The following LYPLAL1 variants were observed in gnomAD, a reference collection of about 807,000 sequenced individuals.
The protein encoded by LYPLAL1 is lysophospholipase-like protein 1.
Under a neutral mutation model 19.7 loss-of-function variants are expected in LYPLAL1, and 23 were observed. The ratio of observed to expected loss-of-function variants is 1.17; its 90% CI spans 0.84 to 1.65. The LOEUF is 1.65. Among genes scored for constraint, LYPLAL1 ranks in the 40% most tolerant of loss-of-function variants. The probability of loss-of-function intolerance (pLI) is 0.00; values close to 1 mark genes in which losing one functional copy is unlikely to be tolerated. For synonymous variants in LYPLAL1, 119 were observed against 96.3 expected, an observed-to-expected ratio of 1.24 and a Z score of -1.38; for missense variants, 355 against 279.4, an observed-to-expected ratio of 1.27 and a Z score of -1.93.
chr1:219,241,913 T>A, the LYPLAL1 span, among the ~76,000 whole-genome samples: 3 of 152,150 alleles, frequency 2.0e-5, no homozygotes, highest in Non-Finnish European at 4.4e-5. Flanking sequence ...TTTTAAAGTG[T>A]GATTACAGAT....
At chr1:219,352,720 T>C in the LYPLAL1 span, among the ~76,000 whole-genome samples, 1 of 152,156 alleles carries the variant, frequency 6.6e-6, no homozygotes, top group Non-Finnish European at 1.5e-5. Context: ...ACAATAAGCC[T>C]AGAGACAAAG....
chr1:219,368,996 T>A, the LYPLAL1 span, among the ~76,000 whole-genome samples: 1 of 152,256 alleles, frequency 6.6e-6, no homozygotes, highest in Non-Finnish European at 1.5e-5. Flanking sequence ...CCAAAGGATT[T>A]GAGCAAGCTC....
the LYPLAL1 span, among the ~76,000 whole-genome samples, chr1:219,338,343 C>T: frequency 1.2e-4 from 18 of 152,032 alleles, no homozygotes; most frequent in South Asian, 1.9e-3. Flanking sequence ...ACCTGAATTC[C>T]GATAATGTTA....
chr1:219,335,335 A>G, the LYPLAL1 span, among the ~76,000 whole-genome samples: 1 of 151,940 alleles, frequency 6.6e-6, no homozygotes, highest in African/African-American at 2.4e-5. Flanking sequence ...GTTAACTACA[A>G]AAGTGAAAGA....
At chr1:219,209,121 G>C (rs1317516240) in intron 3 of LYPLAL1, among the ~76,000 whole-genome samples, 1 of 152,090 alleles carries the variant, frequency 6.6e-6, no homozygotes, top group Non-Finnish European at 1.5e-5. Flanking sequence ...GTTATTGGGG[G>C]TATTTTGAAA....
the LYPLAL1 span, among the ~76,000 whole-genome samples, chr1:219,417,717 A>G: frequency 6.6e-6 from 1 of 152,248 alleles, no homozygotes; most frequent in African/African-American, 2.4e-5. Flanking sequence ...CATCCTGCAG[A>G]GTCTTTTCAT....
chr1:219,313,757 A>C, the LYPLAL1 span, among the ~76,000 whole-genome samples: 4 of 151,836 alleles, frequency 2.6e-5, no homozygotes, highest in African/African-American at 9.7e-5. Flanking sequence ...CTGGTCTCCA[A>C]CTCCTGACCT....
At chr1:219,313,405 A>G in the LYPLAL1 span, among the ~76,000 whole-genome samples, 1 of 152,336 alleles carries the variant, frequency 6.6e-6, no homozygotes, top group East Asian at 1.9e-4. Context: ...CTCACAAGAC[A>G]GCTGCTCCTC....
intron 3 of LYPLAL1, among the ~76,000 whole-genome samples, chr1:219,207,337 C>G (rs1179207788): frequency 1.2e-4 from 18 of 152,000 alleles, no homozygotes; most frequent in Admixed American, 1.2e-3. Flanking sequence ...AAAAATTAGA[C>G]ATATGCAGTG....
chr1:219,387,353 A>C, the LYPLAL1 span, among the ~76,000 whole-genome samples: 20 of 152,200 alleles, frequency 1.3e-4, no homozygotes, highest in Non-Finnish European at 1.6e-4. Flanking sequence ...AAAGGAAAGA[A>C]ATTAAACAAA....
chr1:219,328,418 G>C, the LYPLAL1 span, among the ~76,000 whole-genome samples: 1 of 152,118 alleles, frequency 6.6e-6, no homozygotes, highest in East Asian at 1.9e-4. Flanking sequence ...TCTACATTCT[G>C]ATCTAAGATT....
At chr1:219,409,371 C>T in the LYPLAL1 span, among the ~76,000 whole-genome samples, 1 of 151,326 alleles carries the variant, frequency 6.6e-6, no homozygotes, top group African/African-American at 2.4e-5. Context: ...AACACTTGAG[C>T]TTGGAGGTCA....
the LYPLAL1 span, among the ~76,000 whole-genome samples, chr1:219,349,548 C>T: frequency 3.9e-5 from 6 of 152,024 alleles, no homozygotes; most frequent in Non-Finnish European, 7.4e-5. Context: ...AAAGAGTGTG[C>T]GTGCATGTGA....
chr1:219,313,625 T>G, the LYPLAL1 span, among the ~76,000 whole-genome samples: 11 of 152,072 alleles, frequency 7.2e-5, no homozygotes, highest in East Asian at 3.9e-4. Flanking sequence ...TCCACATACT[T>G]CCGGGTTCAT....
the LYPLAL1 span, among the ~76,000 whole-genome samples, chr1:219,293,267 T>A: frequency 4.0e-5 from 6 of 151,538 alleles, no homozygotes; most frequent in Admixed American, 6.6e-5. Flanking sequence ...CTGAAAAAAA[T>A]AAAAATAAAA....
chr1:219,418,040 G>T, the LYPLAL1 span, among the ~76,000 whole-genome samples: 1 of 152,150 alleles, frequency 6.6e-6, no homozygotes, highest in African/African-American at 2.4e-5. Context: ...GACAAAACAA[G>T]TAGGACCTGA....
chr1:219,356,386 G>C, the LYPLAL1 span, among the ~76,000 whole-genome samples: 4 of 152,148 alleles, frequency 2.6e-5, no homozygotes, highest in East Asian at 7.7e-4. Context: ...TGTAGTCCCA[G>C]CTACTTGGGA....
At chr1:219,292,542 CAG>C in the LYPLAL1 span, among the ~76,000 whole-genome samples, 1 of 152,184 alleles carries the variant, frequency 6.6e-6, no homozygotes, top group Admixed American at 6.5e-5. Context: ...CTTCTTCTGT[CAG>C]AGTCCCAAAC....
At chr1:219,400,582 G>A in the LYPLAL1 span, among the ~76,000 whole-genome samples, 1 of 151,286 alleles carries the variant, frequency 6.6e-6, no homozygotes, top group Non-Finnish European at 1.5e-5. Context: ...TGCAACCTCT[G>A]TCTCCCAGGT....
Sources: gnomAD v4.1 joint callset for allele counts (sites outside exome capture counted in the v4.1 genomes callset) on GRCh38, gnomAD v4.1.1 for gene constraint, MANE v1.5 for transcripts, NCBI Gene and HGNC (gene_info 2026-07-23, HGNC 2026-07-21) for gene names.